Variants in GRM8 observed in about 807,000 individuals in gnomAD.
GRM8 encodes glutamate metabotropic receptor 8.
GRM8 carries 47 observed loss-of-function variants against 87.2 expected under a neutral mutation model. The ratio of observed to expected loss-of-function variants is 0.54; its 90% CI spans 0.43 to 0.69. The LOEUF (loss-of-function observed/expected upper bound fraction) is 0.69, where lower values mean the gene tolerates loss of function less well. Ranked by LOEUF, GRM8 falls within the 30% of genes least tolerant of loss-of-function variation. GRM8 has a pLI of 0.00. For missense variants in GRM8, 1,019 were observed against 1,139.2 expected, an observed-to-expected ratio of 0.89 and a Z score of 1.52; for synonymous variants, 396 against 404.5, an observed-to-expected ratio of 0.98 and a Z score of 0.25.
At chr7:126,593,272 T>C (rs774313714) in intron 8 of GRM8, among the ~76,000 whole-genome samples, 2 of 152,040 alleles carry the variant, frequency 1.3e-5, no homozygotes, top group Admixed American at 6.6e-5. Context: ...AAAATTTGTA[T>C]GAAACTACAA....
At chr7:126,516,816 T>C (rs1387154228) in intron 9 of GRM8, among the ~76,000 whole-genome samples, 1 of 152,136 alleles carries the variant, frequency 6.6e-6, no homozygotes, top group African/African-American at 2.4e-5. Context: ...ATCTCAAAGT[T>C]AATTTCAACT....
At chr7:127,141,283 T>A (rs977647380) in intron 2 of GRM8, among the ~76,000 whole-genome samples, 2 of 152,104 alleles carry the variant, frequency 1.3e-5, no homozygotes, top group Non-Finnish European at 2.9e-5. Flanking sequence ...GGTCCAGATC[T>A]TGGCTCATGA....
Position 126,549,789 on chromosome 7 carries a change from CA to C in GRM8, c.1495-15903del, listed in dbSNP as rs1792375572. On this transcript the variant is annotated intron_variant, in intron 8 of 10. Transcript: ENST00000339582. ...CCTGAATATGTAATGCAATAAACTA[CA>C]AATTCAAACTTGAGAAGTCCAATAA... is the stretch of plus-strand genomic sequence containing the variant. Among the ~76,000 whole-genome samples, 4 of 152,050 alleles carry C rather than the reference CA, an allele frequency of 2.6e-5. No homozygotes were observed. The South Asian group carries it at 8.3e-4, about 32-fold the overall frequency.
In GRM8 at chr7:126,596,515, C is replaced by T. The variant is rs1235107943; in HGVS notation, c.1494+12847G>A. Among the ~76,000 whole-genome samples the T allele has an allele frequency of 2.6e-5, 4 of 151,972 alleles. No individual in the cohort carries two copies. In the East Asian group the frequency reaches 7.7e-4, roughly 29 times the overall value. ...CTTATTGATGGGGTTGTATAACATTCTAGAAATGACAAAATTATGTAAATA... is the reference window on the plus strand; with the variant it reads ...CTTATTGATGGGGTTGTATAACATTTTAGAAATGACAAAATTATGTAAATA... On this transcript the variant is annotated intron_variant, in intron 8 of 10. Coordinates refer to ENST00000339582, the MANE Select transcript of GRM8 (RefSeq NM_000845.3).
rs1585443605 is a variant in GRM8, at chr7:126,668,604, G to A, written c.1358-59106C>T. Among the ~76,000 whole-genome samples, 5 of 152,176 alleles carry A rather than the reference G, an allele frequency of 3.3e-5. No homozygotes were observed. In the South Asian group the frequency reaches 1.0e-3, roughly 32 times the overall value. On this transcript the variant is annotated intron_variant, in intron 7 of 10. Transcript: ENST00000339582. ...TGGCTGGTTCGCAGCCAGGCATGCT[G>A]CCGCAGCCTTCCACCTCCCTGGTCA...
chr7:127,152,285 G>T (rs1792434352), intron 2 of GRM8, among the ~76,000 whole-genome samples: 2 of 152,044 alleles, frequency 1.3e-5, no homozygotes. Flanking sequence ...GCTGGTCTAA[G>T]GGTATATAGC....
At chr7:126,563,464 C>A (rs1430457047) in intron 8 of GRM8, among the ~76,000 whole-genome samples, 1 of 152,086 alleles carries the variant, frequency 6.6e-6, no homozygotes, top group East Asian at 1.9e-4. Context: ...CAAAAACTAC[C>A]TTTACTTTAC....
chr7:126,786,203 G>A (rs952628037), intron 6 of GRM8, among the ~76,000 whole-genome samples: 3 of 152,028 alleles, frequency 2.0e-5, no homozygotes, highest in African/African-American at 7.2e-5. Flanking sequence ...TAGTTTTCTT[G>A]TGCCCCTTTT....
At chr7:126,880,289 A>G (rs1352036343) in intron 6 of GRM8, among the ~76,000 whole-genome samples, 3 of 152,218 alleles carry the variant, frequency 2.0e-5, no homozygotes, top group Non-Finnish European at 4.4e-5. Flanking sequence ...TTCAGCAATG[A>G]TTTCGCTTTT....
intron 8 of GRM8, among the ~76,000 whole-genome samples, chr7:126,542,551 G>T (rs1816664075): frequency 6.6e-6 from 1 of 152,158 alleles, no homozygotes; most frequent in African/African-American, 2.4e-5. Flanking sequence ...AGAAGACAAA[G>T]AAAGGCATTT....
At chr7:127,230,979 C>T (rs117881678) in intron 2 of GRM8, among the ~76,000 whole-genome samples, 45 of 152,290 alleles carry the variant, frequency 3.0e-4, no homozygotes, top group Non-Finnish European at 5.6e-4. Context: ...CCTTTTTACA[C>T]GGTTTTATAT....
chr7:126,696,163 G>A (rs11765912), intron 7 of GRM8, among the ~76,000 whole-genome samples: 23,211 of 152,016 alleles, frequency 0.15, 1,918 homozygotes, highest in Non-Finnish European at 0.17. Context: ...CTGGGACTAG[G>A]GTGAAGTGAG....
intron 2 of GRM8, among the ~76,000 whole-genome samples, chr7:127,140,660 G>C (rs1828212767): frequency 6.6e-6 from 1 of 151,978 alleles, no homozygotes; most frequent in African/African-American, 2.4e-5. Flanking sequence ...TGAACACCTG[G>C]GGCCCTTGAA....
At chr7:127,006,547 A>G (rs1384810130) in intron 3 of GRM8, among the ~76,000 whole-genome samples, 1 of 151,824 alleles carries the variant, frequency 6.6e-6, no homozygotes, top group Non-Finnish European at 1.5e-5. Context: ...GTCATTAACA[A>G]CCTCTATCTT....
At chr7:127,161,016 A>T (rs1793078978) in intron 2 of GRM8, among the ~76,000 whole-genome samples, 1 of 152,188 alleles carries the variant, frequency 6.6e-6, no homozygotes, top group African/African-American at 2.4e-5. Flanking sequence ...TTATTTCTGG[A>T]TGATGGGATT....
intron 6 of GRM8, among the ~76,000 whole-genome samples, chr7:126,777,825 ATCC>A (rs1819640557): frequency 6.6e-6 from 1 of 152,172 alleles, no homozygotes; most frequent in East Asian, 1.9e-4. Context: ...AATTTCAGCC[ATCC>A]ACTTATGGAA....
At chr7:127,199,161 A>G (rs1795458623) in intron 2 of GRM8, among the ~76,000 whole-genome samples, 1 of 150,862 alleles carries the variant, frequency 6.6e-6, no homozygotes, top group African/African-American at 2.4e-5. Flanking sequence ...TTTAAGAGAG[A>G]GGGGTCTCAC....
intron 6 of GRM8, among the ~76,000 whole-genome samples, chr7:126,793,182 T>C (rs1240423865): frequency 6.6e-6 from 1 of 152,182 alleles, no homozygotes; most frequent in African/African-American, 2.4e-5. Context: ...CTACTTGTGA[T>C]AAAGTCTCCT....
At chr7:126,760,892 T>C (rs1395354558) in intron 7 of GRM8, among the ~76,000 whole-genome samples, 1 of 152,140 alleles carries the variant, frequency 6.6e-6, no homozygotes, top group Non-Finnish European at 1.5e-5. Context: ...TCTGTCTCAT[T>C]TTCTACTTAT....
Sources: allele counts gnomAD v4.1 joint callset (sites outside exome capture counted in the v4.1 genomes callset), GRCh38; gene constraint gnomAD v4.1.1; transcripts MANE v1.5; gene names NCBI Gene and HGNC (gene_info 2026-07-23, HGNC 2026-07-21).